Variants in ATAD2B observed in about 807,000 individuals in gnomAD.
The protein encoded by ATAD2B is ATPase family AAA domain containing 2B.
A neutral mutation model predicts 167.6 loss-of-function variants in ATAD2B; 40 were observed. The observed-to-expected ratio is 0.24, with a 90% CI of 0.19 to 0.31. ATAD2B has a LOEUF of 0.31. Ranked by LOEUF, ATAD2B falls within the 10% of genes least tolerant of loss-of-function variation. ATAD2B has a pLI of 1.00. For missense variants in ATAD2B, 1,242 were observed against 1,757.2 expected (o/e 0.71, Z 5.24); for synonymous variants, 579 against 596.5 (o/e 0.97, Z 0.43).
the ATAD2B span, among the ~76,000 whole-genome samples, chr2:23,740,683 T>G: frequency 4.1e-4 from 63 of 152,260 alleles, no homozygotes; most frequent in Admixed American, 7.8e-4. Flanking sequence ...TTCAACATAG[T>G]GTTGGAAGTT....
At chr2:23,779,174 CTTTTTTTTTTT>C (rs35835747) in intron 22 of ATAD2B, among the ~76,000 whole-genome samples, 1 of 97,398 alleles carries the variant, frequency 1.0e-5, no homozygotes, top group Admixed American at 1.3e-4. Flanking sequence ...TTTTTCTTTT[CTTTTTTTTTTT>C]TTTTTTTTGA....
At chr2:23,718,428 G>A in the ATAD2B span, among the ~76,000 whole-genome samples, 1 of 152,178 alleles carries the variant, frequency 6.6e-6, no homozygotes, top group Non-Finnish European at 1.5e-5. Context: ...CTGAGAGTCA[G>A]GGGAAGATCA....
chr2:23,696,218 GC>G, the ATAD2B span: 1 of 1,490,990 alleles, frequency 6.7e-7, no homozygotes, highest in East Asian at 2.5e-5. This position sits in a 1 kb window ranked among gnomAD's most constrained non-coding sequence, Gnocchi z 5.5. Context: ...GAAGGCCATG[GC>G]CCAGAAGTGT....
rs1688927980 is a variant in ATAD2B, at chr2:23,830,807, G to GT, written c.1729-1869_1729-1868insA. Among the ~76,000 whole-genome samples, 12 of 151,828 alleles carry GT rather than the reference G, an allele frequency of 7.9e-5. No homozygotes were observed. In the South Asian group the frequency reaches 1.3e-3, roughly 16 times the overall value. On this transcript the variant is annotated intron_variant, in intron 14 of 27. Coordinates refer to ENST00000238789, the MANE Select transcript of ATAD2B (RefSeq NM_017552.4). ...CTATACAAACTTCATTAGCAGCACA[G>GT]GCAGTGTGCTGCTAAGGGTGATTAC...
At chr2:23,754,572 T>C in intron 26 of ATAD2B, 75 bp downstream of exon 26, 4 of 1,534,238 alleles carry the variant, frequency 2.6e-6, no homozygotes, top group Non-Finnish European at 3.5e-6. Flanking sequence ...AAAACTACTT[T>C]TACTCAACTG....
intron 2 of ATAD2B, among the ~76,000 whole-genome samples, chr2:23,894,893 G>A (rs1573313148): frequency 6.6e-6 from 1 of 152,124 alleles, no homozygotes; most frequent in East Asian, 1.9e-4. Context: ...ACATCTTATG[G>A]AGCATATTTT....
the ATAD2B span, among the ~76,000 whole-genome samples, chr2:23,733,935 T>C: frequency 1.3e-5 from 2 of 152,232 alleles, no homozygotes; most frequent in Non-Finnish European, 2.9e-5. Context: ...ACACCCATAG[T>C]TGCCTAAACT....
intron 8 of ATAD2B, chr2:23,872,510 A>C (rs1696154096): frequency 1.2e-6 from 1 of 802,676 alleles, no homozygotes; most frequent in Non-Finnish European, 2.2e-6. Flanking sequence ...TCTTCATTCC[A>C]AAACGGCAGA....
chr2:23,796,484 A>C (rs1441233111), intron 19 of ATAD2B, among the ~76,000 whole-genome samples: 2 of 152,208 alleles, frequency 1.3e-5, no homozygotes, highest in African/African-American at 2.4e-5. Flanking sequence ...AGGTAAAATA[A>C]AAACTGCTTA....
At chr2:23,706,311 G>T in the ATAD2B span, among the ~76,000 whole-genome samples, 74,409 of 151,896 alleles carry the variant, frequency 0.49, 18,928 homozygotes, top group East Asian at 0.79. Context: ...TGGAGGACAG[G>T]TGTTTTTCTT....
chr2:23,745,158 A>T (rs182111891), downstream of ATAD2B, among the ~76,000 whole-genome samples: 1 of 151,972 alleles, frequency 6.6e-6, no homozygotes, highest in African/African-American at 2.4e-5. Flanking sequence ...GTGGTGGCAC[A>T]TGCCTCTAAT....
intron 16 of ATAD2B, among the ~76,000 whole-genome samples, chr2:23,822,623 G>A (rs554175618): frequency 1.3e-5 from 2 of 150,434 alleles, no homozygotes; most frequent in East Asian, 2.0e-4. Flanking sequence ...AGCCTGTTAA[G>A]AGGATTAACA....
At chr2:23,782,135 A>T (rs1459448943) in intron 22 of ATAD2B, among the ~76,000 whole-genome samples, 2 of 152,168 alleles carry the variant, frequency 1.3e-5, no homozygotes, top group Admixed American at 1.3e-4. Flanking sequence ...TTTCTTTATC[A>T]ATCACAGCTT....
chr2:23,869,225 T>C (rs1299855691), intron 9 of ATAD2B, among the ~76,000 whole-genome samples: 1 of 152,218 alleles, frequency 6.6e-6, no homozygotes, highest in African/African-American at 2.4e-5. Flanking sequence ...CTTGTTCAAC[T>C]GACAACAAAA....
At chr2:23,851,624 G>C (rs1692586280) in intron 13 of ATAD2B, among the ~76,000 whole-genome samples, 1 of 152,036 alleles carries the variant, frequency 6.6e-6, no homozygotes, top group East Asian at 1.9e-4. Flanking sequence ...AATCTACAAA[G>C]TCCACAGTTT....
At chr2:23,892,926 T>G (rs1172806473) in intron 2 of ATAD2B, among the ~76,000 whole-genome samples, 4 of 152,246 alleles carry the variant, frequency 2.6e-5, no homozygotes, top group Non-Finnish European at 5.9e-5. Flanking sequence ...TCACAGTATT[T>G]GTAAGCTACA....
chr2:23,788,729 A>G, intron 19 of ATAD2B, 82 bp from the exon 20 acceptor site: 1 of 1,099,522 alleles, frequency 9.1e-7, no homozygotes, highest in Non-Finnish European at 1.3e-6. Context: ...CAATGTCTTC[A>G]TCTTCCAGTA....
intron 2 of ATAD2B, among the ~76,000 whole-genome samples, chr2:23,891,096 C>A (rs1192824836): frequency 6.7e-6 from 1 of 150,362 alleles, no homozygotes; most frequent in Non-Finnish European, 1.5e-5. Flanking sequence ...TCTTGGCTCA[C>A]TGCAACCACC....
chr2:23,816,107 A>G (rs1348821480), intron 17 of ATAD2B, among the ~76,000 whole-genome samples: 1 of 152,218 alleles, frequency 6.6e-6, no homozygotes, highest in Non-Finnish European at 1.5e-5. Flanking sequence ...AAAAGATATT[A>G]TATTCATCTA....
Sources: allele counts gnomAD v4.1 joint callset (sites outside exome capture counted in the v4.1 genomes callset), GRCh38; gene constraint gnomAD v4.1.1; non-coding constraint Gnocchi (gnomAD v3.1); transcripts MANE v1.5; gene names NCBI Gene and HGNC (gene_info 2026-07-23, HGNC 2026-07-21).